PNMA2: variants seen among roughly 807,000 people sequenced by gnomAD.
PNMA2 encodes the protein PNMA family member 2, also known as paraneoplastic antigen Ma2.
For missense variants in PNMA2, 455 were observed against 452.9 expected (o/e 1.00, Z -0.04); for synonymous variants, 175 against 183.5 (o/e 0.95, Z 0.38).
Position 26,508,984 on chromosome 8 carries a change from C to T in PNMA2, c.-229G>A. 1.7e-6 allele frequency: 2 copies of T among 1,188,382 alleles called. No homozygotes were observed. Among genetic ancestry groups the T allele is most frequent in the Non-Finnish European group, 2.2e-6 (2 of 909,656 alleles). 73.6% of individuals were successfully genotyped at this position (1,188,382 alleles called of 1,614,324 possible). A position where few individuals can be genotyped will look rare whatever the true frequency, so the allele number is the denominator to read the frequency against. On this transcript the variant is annotated 5_prime_UTR_variant, in exon 3 of 3. Transcript: ENST00000522362. The surrounding 1 kb of genome is among the most constrained non-coding windows in gnomAD (Gnocchi z 5.5). ...GGACTTCTTGTCTTTAGGCCTGACC[C>T]AGGTGGGCAGGTCGTATCTCAGTTC... is the stretch of plus-strand genomic sequence containing the variant.
In PNMA2 at chr8:26,507,442, A is replaced by G; in HGVS notation, c.*219T>C. 1 of 452,078 alleles carries G rather than the reference A, an allele frequency of 2.2e-6. No homozygotes were observed. Among genetic ancestry groups the G allele is most frequent in the Non-Finnish European group, 3.8e-6 (1 of 261,802 alleles). 28.0% of individuals were successfully genotyped at this position (452,078 alleles called of 1,614,324 possible). ...TGATGAGAGTGAGACCCAAGAAATAAAGAAGAAAGAGAAAAAGAAAAAAGG... is the reference window on the plus strand; with the variant it reads ...TGATGAGAGTGAGACCCAAGAAATAGAGAAGAAAGAGAAAAAGAAAAAAGG... On this transcript the variant is annotated 3_prime_UTR_variant, in exon 3 of 3. Coordinates refer to ENST00000522362, the MANE Select transcript of PNMA2 (RefSeq NM_007257.6).
chr8:26,511,357 A>G (rs1479246672), intron 1 of PNMA2, among the ~76,000 whole-genome samples: 2 of 152,116 alleles, frequency 1.3e-5, no homozygotes, highest in East Asian at 3.9e-4. Context: ...GGAAGTGCTG[A>G]AGGCACCAGG....
rs1808079108 is a variant in PNMA2 at position 26,508,107 on chromosome 8, G to A, written c.649C>T (p.Leu217Phe). Residue 217 changes from leucine (L) to phenylalanine (F), a missense_variant, in exon 3 of 3, where the codon CTC becomes TTC. Physicochemically the swap from Leu to Phe is conservative, Grantham distance 22 (BLOSUM62 0). Transcript: ENST00000522362. This position sits in a 1 kb window ranked among gnomAD's most constrained non-coding sequence, Gnocchi z 5.5. ...AESLRGPALDLMHIVQADNPS... is the reference protein window; with the variant it reads ...AESLRGPALDFMHIVQADNPS... ...TTGTCTGCCTGCACTATGTGCATGA[G>A]GTCCAGGGCAGGGCCCCGCAGGCTT... The A allele has an allele frequency of 6.2e-7, 1 of 1,614,224 alleles. No homozygotes were observed.
At position 26,507,538 on chromosome 8, in the gene PNMA2, A is replaced by C; in HGVS notation, c.*123T>G. ...AAGGAGAGAAGGAGGAAGGGAGGGAAGGAAGGAAGGAAGGAAGGTCAATAA... is the reference window on the plus strand; with the variant it reads ...AAGGAGAGAAGGAGGAAGGGAGGGACGGAAGGAAGGAAGGAAGGTCAATAA... On this transcript the variant is annotated 3_prime_UTR_variant, in exon 3 of 3. Coordinates refer to ENST00000522362, the MANE Select transcript of PNMA2 (RefSeq NM_007257.6). 1 of 711,476 alleles carries C rather than the reference A, an allele frequency of 1.4e-6. No homozygotes were observed. The highest frequency in any genetic ancestry group is 2.2e-6 in the Non-Finnish European group (1 of 450,420). 44.1% of individuals were successfully genotyped at this position (711,476 alleles called of 1,614,324 possible). A position where few individuals can be genotyped will look rare whatever the true frequency, so the allele number is the denominator to read the frequency against.
Position 26,507,755 on chromosome 8 carries a change from T to C in PNMA2, c.1001A>G (p.Glu334Gly). Reference sequence around the variant, plus strand: ...CTCAAAGGAGGCCTCTTCCTCCTCTTCTTCCCGTATTACCTTCATTAGCTC... The same window carrying C: ...CTCAAAGGAGGCCTCTTCCTCCTCTCCTTCCCGTATTACCTTCATTAGCTC... ...FLELMKVIRE[E>G]EEEEASFENE... Residue 334 changes from glutamate to glycine, a missense_variant, in exon 3 of 3, where the codon GAA becomes GGA. Transcript: ENST00000522362. 1 of 1,613,202 alleles carries C rather than the reference T, an allele frequency of 6.2e-7. No individual in the cohort carries two copies. Among genetic ancestry groups the C allele is most frequent in the Non-Finnish European group, 8.5e-7 (1 of 1,179,668 alleles).
rs781062474 is a variant in PNMA2, at chr8:26,508,036, C to T, written c.720G>A (p.Val240=). The stretch of plus-strand genomic sequence containing the variant: ...TCCTGCGGCTCTCTAGGCTCCCAAA[C>T]ACTTGCTTAAAGGCCTCCAAACACT... The part of the protein sequence containing the change: ...VEECLEAFKQ[V]FGSLESRRTA... Residue 240 remains valine (V), a synonymous_variant, in exon 3 of 3, where the codon GTG becomes GTA. Coordinates refer to ENST00000522362, the MANE Select transcript of PNMA2 (RefSeq NM_007257.6). The surrounding 1 kb of genome is among the most constrained non-coding windows in gnomAD (Gnocchi z 5.5). 1 of 1,614,142 alleles carries T rather than the reference C, an allele frequency of 6.2e-7. No homozygotes were observed. Among genetic ancestry groups the T allele is most frequent in the Non-Finnish European group, 8.5e-7 (1 of 1,180,064 alleles).
intron 1 of PNMA2, among the ~76,000 whole-genome samples, chr8:26,513,394 C>CA (rs1489457722): frequency 6.6e-6 from 1 of 151,654 alleles, no homozygotes; most frequent in East Asian, 1.9e-4. Flanking sequence ...GTGTGCCCCC[C>CA]CCCCACTCCC....
In PNMA2 at chr8:26,507,534, G is replaced by GGGAA. The variant is rs201014160; in HGVS notation, c.*123_*126dup. 85 of 748,362 alleles carry GGGAA rather than the reference G, an allele frequency of 1.1e-4. 1 individual carries two copies. In the Middle Eastern group the frequency reaches 1.4e-3, roughly 12 times the overall value. The allele number at this position is 748,362 out of a possible 1,614,324, so 46.4% of individuals were successfully genotyped here. ...AGAGAAGGAGAGAAGGAGGAAGGGA[G>GGGAA]GGAAGGAAGGAAGGAAGGAAGGTCA... On this transcript the variant is annotated 3_prime_UTR_variant, in exon 3 of 3. Coordinates refer to ENST00000522362, the MANE Select transcript of PNMA2 (RefSeq NM_007257.6).
In PNMA2 at chr8:26,507,705, C is replaced by T. The variant is rs748902880; in HGVS notation, c.1051G>A (p.Glu351Lys). ...FENESIEEPE[E>K]RDGYGRWNHE... is the part of the protein sequence containing the mutation. ...TTCCAGCGGCCATAGCCATCTCGTT[C>T]CTCTGGCTCTTCGATACTCTCATTC... is the stretch of plus-strand genomic sequence containing the variant. The change falls in exon 3 of 3, where the codon GAA (glutamate) becomes AAA (lysine). Residue 351 changes from glutamate (E) to lysine (K), a missense_variant. Glu to Lys is a moderately conservative substitution (Grantham distance 56, BLOSUM62 1). Transcript: ENST00000522362. 2 of 1,586,622 alleles carry T rather than the reference C, an allele frequency of 1.3e-6. No individual in the cohort carries two copies. Among genetic ancestry groups the T allele is most frequent in the African/African-American group, 2.7e-5 (2 of 74,084 alleles).
intron 1 of PNMA2, chr8:26,511,703 G>A (rs1808157387): frequency 6.6e-6 from 1 of 152,268 alleles, no homozygotes; most frequent in South Asian, 2.1e-4. Flanking sequence ...GAGCCGAGTG[G>A]GTCAAGGCTA....
rs1808113197 is a variant in PNMA2 at position 26,509,559 on chromosome 8, T to C, written c.-500A>G. On this transcript the variant is annotated 5_prime_UTR_variant, in exon 2 of 3. Transcript: ENST00000522362. The surrounding 1 kb of genome is among the most constrained non-coding windows in gnomAD (Gnocchi z 5.7). Reference sequence around the variant, plus strand: ...ATGTGGCTAAATACCTGTTGATGTGTTCCCGAGTGTTCCGCGAGAGGTGAG... The same window carrying C: ...ATGTGGCTAAATACCTGTTGATGTGCTCCCGAGTGTTCCGCGAGAGGTGAG... 1 of 152,224 alleles carries C rather than the reference T, an allele frequency of 6.6e-6. No homozygotes were observed. The highest frequency in any genetic ancestry group is 2.1e-4 in the South Asian group (1 of 4,828). 9.4% of individuals were successfully genotyped at this position (152,224 alleles called of 1,614,324 possible).
rs1444450773 is a variant in PNMA2, at chr8:26,513,103, G to C, written c.-619+713C>G. The C allele has an allele frequency of 5.6e-5, 7 of 125,530 alleles. No homozygotes were observed. In the Admixed American group the frequency reaches 5.9e-4, roughly 11 times the overall value. 7.8% of individuals were successfully genotyped at this position (125,530 alleles called of 1,614,324 possible). ...AGATTTGGGAAGGGGGTTTCAGTTTGTTTTTTCTCTCTTTTTTTTTTTTTT... is the reference window on the plus strand; with the variant it reads ...AGATTTGGGAAGGGGGTTTCAGTTTCTTTTTTCTCTCTTTTTTTTTTTTTT... On this transcript the variant is annotated intron_variant, in intron 1 of 2. Transcript: ENST00000522362.
rs1808046081 is a variant in PNMA2, at chr8:26,506,454, G to C, written c.*1207C>G. The C allele has an allele frequency of 6.6e-6, 1 of 152,156 alleles. No homozygotes were observed. Among genetic ancestry groups the C allele is most frequent in the Admixed American group, 6.5e-5 (1 of 15,268 alleles). The allele number at this position is 152,156 out of a possible 1,614,324, so 9.4% of individuals were successfully genotyped here. On this transcript the variant is annotated 3_prime_UTR_variant, in exon 3 of 3. Coordinates refer to ENST00000522362, the MANE Select transcript of PNMA2 (RefSeq NM_007257.6). The surrounding 1 kb of genome is among the most constrained non-coding windows in gnomAD (Gnocchi z 4.4). ...GTCCCCTCATGTCCCCCTTTCTTTGGGGACACCTCTCAGGCTGTGGACCTC... is the reference window on the plus strand; with the variant it reads ...GTCCCCTCATGTCCCCCTTTCTTTGCGGACACCTCTCAGGCTGTGGACCTC...
chr8:26,512,325 G>A (rs1007650), intron 1 of PNMA2, among the ~76,000 whole-genome samples: 9,988 of 152,268 alleles, frequency 0.066, 377 homozygotes, highest in South Asian at 0.18. Flanking sequence ...CTGCCGCTAA[G>A]TCCAAAATGC....
rs2117579068 is a variant in PNMA2, at chr8:26,508,086, C to T, written c.670G>A (p.Asp224Asn). Residue 224 changes from aspartate (D) to asparagine (N), a missense_variant, in exon 3 of 3, where the codon GAC becomes AAC. Coordinates refer to ENST00000522362, the MANE Select transcript of PNMA2 (RefSeq NM_007257.6). This position sits in a 1 kb window ranked among gnomAD's most constrained non-coding sequence, Gnocchi z 5.5. ...TCTTCTACACTGATGGACGGGTTGTCTGCCTGCACTATGTGCATGAGGTCC... is the reference window on the plus strand; with the variant it reads ...TCTTCTACACTGATGGACGGGTTGTTTGCCTGCACTATGTGCATGAGGTCC... ...ALDLMHIVQA[D>N]NPSISVEECL... 1.9e-6 allele frequency: 3 copies of T among 1,614,242 alleles called. No homozygotes were observed. The highest frequency in any genetic ancestry group is 2.5e-6 in the Non-Finnish European group (3 of 1,180,046).
rs897930432 is a variant in PNMA2, at chr8:26,507,429, G to A, written c.*232C>T. 1.5e-4 allele frequency: 64 copies of A among 421,490 alleles called. No individual in the cohort carries two copies. The highest frequency in any genetic ancestry group is 1.2e-3 in the Middle Eastern group (2 of 1,602). 26.1% of individuals were successfully genotyped at this position (421,490 alleles called of 1,614,324 possible). A position where few individuals can be genotyped will look rare whatever the true frequency, so the allele number is the denominator to read the frequency against. On this transcript the variant is annotated 3_prime_UTR_variant, in exon 3 of 3. Transcript: ENST00000522362. ...ACTCTAGCCTGGGTGATGAGAGTGA[G>A]ACCCAAGAAATAAAGAAGAAAGAGA... is the stretch of plus-strand genomic sequence containing the variant.
intron 1 of PNMA2, among the ~76,000 whole-genome samples, chr8:26,513,415 A>T (rs879640568): frequency 1.9e-5 from 1 of 51,304 alleles, no homozygotes; most frequent in Non-Finnish European, 4.2e-5. Context: ...CCGTCACCCC[A>T]ACCACACCAA....
At position 26,508,830 on chromosome 8, in the gene PNMA2, T is replaced by C; in HGVS notation, c.-75A>G. ...GGTGCAGCTATGCACTGACTTAATA[T>C]TGAAAATATCCTGGATGAGCTTCTA... On this transcript the variant is annotated 5_prime_UTR_variant, in exon 3 of 3. Coordinates refer to ENST00000522362, the MANE Select transcript of PNMA2 (RefSeq NM_007257.6). The surrounding 1 kb of genome is among the most constrained non-coding windows in gnomAD (Gnocchi z 5.5). 6.5e-7 allele frequency: 1 copy of C among 1,526,766 alleles called. No homozygotes were observed. The highest frequency in any genetic ancestry group is 1.3e-5 in the South Asian group (1 of 74,836). 94.6% of individuals were successfully genotyped at this position (1,526,766 alleles called of 1,614,324 possible). A position where few individuals can be genotyped will look rare whatever the true frequency, so the allele number is the denominator to read the frequency against.
chr8:26,505,259 A>C lies in PNMA2; in HGVS notation c.*2402T>G, dbSNP rs995004513. On this transcript the variant is annotated 3_prime_UTR_variant, in exon 3 of 3. Transcript: ENST00000522362. ...CATGCAACGTGCTTAAAAAGCATTA[A>C]GTCATTTGTTCATAACAACCGTGTA... 8 of 158,648 alleles carry C rather than the reference A, an allele frequency of 5.0e-5. No homozygotes were observed. The highest frequency in any genetic ancestry group is 1.9e-4 in the African/African-American group (8 of 41,698). The allele number at this position is 158,648 out of a possible 1,614,324, so 9.8% of individuals were successfully genotyped here.
Sources: gnomAD v4.1 joint callset for allele counts (sites outside exome capture counted in the v4.1 genomes callset) on GRCh38, gnomAD v4.1.1 for gene constraint, Gnocchi (gnomAD v3.1) non-coding constraint, MANE v1.5 for transcripts, NCBI Gene and HGNC (gene_info 2026-07-23, HGNC 2026-07-21) for gene names.